ANKAR: variants seen among roughly 807,000 people sequenced by gnomAD.
ANKAR encodes the protein ankyrin and armadillo repeat-containing protein.
Under a neutral mutation model 146.2 loss-of-function variants are expected in ANKAR, and 136 were observed. That is an observed-to-expected ratio of 0.93 (90% CI 0.81 to 1.07). ANKAR has a LOEUF of 1.07. Among genes scored for constraint, ANKAR ranks in the 50% least tolerant of loss-of-function variants. The pLI is 0.00. For missense variants in ANKAR, 1,567 were observed against 1,679.9 expected, an observed-to-expected ratio of 0.93 and a Z score of 1.18; for synonymous variants, 500 against 575.8, an observed-to-expected ratio of 0.87 and a Z score of 1.88.
chr2:189,722,884 A>T (rs1449202596), intron 12 of ANKAR, among the ~76,000 whole-genome samples: 1 of 151,996 alleles, frequency 6.6e-6, no homozygotes, highest in Non-Finnish European at 1.5e-5. Context: ...CTGTCTAAAA[A>T]AAAAAAAAAG....
At chr2:189,732,502 A>G (rs1559134624) in intron 16 of ANKAR, among the ~76,000 whole-genome samples, 1 of 151,992 alleles carries the variant, frequency 6.6e-6, no homozygotes, top group Admixed American at 6.6e-5. Flanking sequence ...TCTGCTAAAG[A>G]TACAAAAAAT....
At chr2:189,758,031 G>C (rs750080509) in intron 18 of ANKAR, among the ~76,000 whole-genome samples, 2 of 152,138 alleles carry the variant, frequency 1.3e-5, no homozygotes, top group African/African-American at 4.8e-5. Context: ...TCATGGGGGC[G>C]TATTTTCCCC....
At chr2:189,725,692 G>C (rs1219926682) in intron 12 of ANKAR, among the ~76,000 whole-genome samples, 2 of 152,022 alleles carry the variant, frequency 1.3e-5, no homozygotes, top group African/African-American at 4.8e-5. Flanking sequence ...CAAATAGCTT[G>C]AGCTCATGAG....
chr2:189,732,556 G>T (rs2105855115), intron 16 of ANKAR, among the ~76,000 whole-genome samples: 1 of 151,874 alleles, frequency 6.6e-6, no homozygotes, highest in Non-Finnish European at 1.5e-5. Context: ...AGCTACTCGG[G>T]AGGCTGGAGC....
At chr2:189,720,162 G>A (rs954684781) in intron 11 of ANKAR, among the ~76,000 whole-genome samples, 4 of 152,224 alleles carry the variant, frequency 2.6e-5, no homozygotes, top group Non-Finnish European at 5.9e-5. Context: ...GTCACATAAT[G>A]TATCTTATCA....
chr2:189,703,132 G>A (rs910875688), intron 7 of ANKAR, among the ~76,000 whole-genome samples: 3 of 152,334 alleles, frequency 2.0e-5, no homozygotes, highest in Admixed American at 2.0e-4. Flanking sequence ...GAAGAAGGTA[G>A]TTGTAGCTGG....
At chr2:189,732,238 G>A (rs1445231405) in intron 16 of ANKAR, among the ~76,000 whole-genome samples, 3 of 152,176 alleles carry the variant, frequency 2.0e-5, no homozygotes, top group Admixed American at 1.3e-4. Context: ...TATCTACTGA[G>A]TCCCAATAAT....
intron 2 of ANKAR, among the ~76,000 whole-genome samples, chr2:189,684,114 C>T (rs2035160241): frequency 6.6e-6 from 1 of 152,156 alleles, no homozygotes; most frequent in Non-Finnish European, 1.5e-5. Context: ...GAAAACATCT[C>T]ATGATAGCAA....
At chr2:189,734,726 G>A (rs2033746) in intron 17 of ANKAR, among the ~76,000 whole-genome samples, 89,813 of 151,952 alleles carry the variant, frequency 0.59, 30,089 homozygotes, top group South Asian at 0.76. Context: ...TATTTTGGGA[G>A]GTCGAGGTGG....
At chr2:189,728,120 T>C (rs1333272762) in intron 13 of ANKAR, 23 bp downstream of exon 13, 3 of 1,573,256 alleles carry the variant, frequency 1.9e-6, no homozygotes, top group Non-Finnish European at 2.6e-6. Context: ...TGATTACTGG[T>C]CATTTTTCTT....
At chr2:189,717,192 C>G (rs1030967004) in intron 10 of ANKAR, among the ~76,000 whole-genome samples, 3 of 152,150 alleles carry the variant, frequency 2.0e-5, no homozygotes, top group African/African-American at 7.2e-5. Context: ...ATCTACCCAT[C>G]TGACAAAGGG....
At chr2:189,750,358 T>G (rs1161651455), downstream of ANKAR, among the ~76,000 whole-genome samples, 2 of 152,186 alleles carry the variant, frequency 1.3e-5, no homozygotes, top group African/African-American at 4.8e-5. Context: ...TGTTTTATTT[T>G]GGTTTTTAAT....
chr2:189,718,843 G>A (rs13026135), intron 10 of ANKAR, among the ~76,000 whole-genome samples: 87,084 of 149,082 alleles, frequency 0.58, 29,323 homozygotes, highest in South Asian at 0.76. Flanking sequence ...TCCGCTTCCC[G>A]GGTTCACGCC....
At chr2:189,685,608 G>A (rs2035462953) in intron 2 of ANKAR, among the ~76,000 whole-genome samples, 2 of 152,122 alleles carry the variant, frequency 1.3e-5, no homozygotes, top group Admixed American at 1.3e-4. Context: ...TTTTCATTTA[G>A]GAGTGAGGCA....
chr2:189,689,062 A>G (rs1176228953), intron 2 of ANKAR, among the ~76,000 whole-genome samples: 2 of 152,096 alleles, frequency 1.3e-5, no homozygotes, highest in Non-Finnish European at 2.9e-5. Flanking sequence ...AAAAAGAAAA[A>G]CCTTGTGGCA....
intron 18 of ANKAR, among the ~76,000 whole-genome samples, 164 bp downstream of exon 18, chr2:189,738,005 G>C (rs1036254122): frequency 2.6e-5 from 4 of 152,030 alleles, no homozygotes; most frequent in African/African-American, 9.7e-5. Context: ...TTATCTATGA[G>C]GATTTCTTCA....
intron 16 of ANKAR, among the ~76,000 whole-genome samples, chr2:189,731,540 A>G (rs2042399233): frequency 6.6e-6 from 1 of 151,396 alleles, no homozygotes; most frequent in African/African-American, 2.4e-5. Flanking sequence ...CGCTTGGCTA[A>G]TTTTTGTATT....
At chr2:189,723,705 A>G (rs535905700) in intron 12 of ANKAR, among the ~76,000 whole-genome samples, 2 of 152,152 alleles carry the variant, frequency 1.3e-5, no homozygotes, top group African/African-American at 4.8e-5. Flanking sequence ...CCTTTAGCCA[A>G]CTCTTAAAAG....
intron 18 of ANKAR, chr2:189,753,887 C>G (rs754720023): frequency 6.2e-7 from 1 of 1,608,208 alleles, no homozygotes; most frequent in Non-Finnish European, 8.5e-7. Flanking sequence ...CAAAGTGTAA[C>G]TATTACTATA....
Sources: gnomAD v4.1 joint callset for allele counts (sites outside exome capture counted in the v4.1 genomes callset) on GRCh38, gnomAD v4.1.1 for gene constraint, MANE v1.5 for transcripts, NCBI Gene and HGNC (gene_info 2026-07-23, HGNC 2026-07-21) for gene names.